The following OXR1 variants were observed in gnomAD, a reference collection of about 807,000 sequenced individuals.
OXR1 encodes oxidation resistance protein 1.
OXR1 carries 41 observed loss-of-function variants against 104.6 expected under a neutral mutation model. The observed-to-expected ratio is 0.39, with a 90% CI of 0.31 to 0.51. The LOEUF is 0.51. Ranked by LOEUF, OXR1 falls within the 20% of genes least tolerant of loss-of-function variation. OXR1 has a pLI of 0.77. For synonymous variants in OXR1, 348 were observed against 348.4 expected, an observed-to-expected ratio of 1.00 and a Z score of 0.01; for missense variants, 955 against 1,031.9, an observed-to-expected ratio of 0.93 and a Z score of 1.02.
At chr8:106,558,447 G>T (rs1816443897) in intron 3 of OXR1, among the ~76,000 whole-genome samples, 1 of 152,158 alleles carries the variant, frequency 6.6e-6, no homozygotes, top group African/African-American at 2.4e-5. Context: ...CCAAATGGAG[G>T]ATCCGGGACA....
rs149092874 is a variant in OXR1, at chr8:106,514,217, C to T, written c.24-4726C>T. On this transcript the variant is annotated intron_variant, in intron 2 of 16. Transcript: ENST00000517566. Reference sequence around the variant, plus strand: ...TTTATCTCGTGCACACCTATATGTTCCATTATGCCATATTTACATTTGTTT... The same window carrying T: ...TTTATCTCGTGCACACCTATATGTTTCATTATGCCATATTTACATTTGTTT... Among the ~76,000 whole-genome samples the T allele has an allele frequency of 6.7e-3, 1,012 of 152,080 alleles. 5 individuals are homozygous for T. Among genetic ancestry groups the T allele is most frequent in the South Asian group, 0.015 (73 of 4,806 alleles).
At chr8:106,581,081 A>G in intron 3 of OXR1, 1 of 1,203,558 alleles carries the variant, frequency 8.3e-7, no homozygotes, top group South Asian at 1.6e-5. Flanking sequence ...TCTGCTAAAG[A>G]TGGAGGAAAA....
intron 3 of OXR1, among the ~76,000 whole-genome samples, chr8:106,629,976 AAGAGAG>A (rs1822524765): frequency 6.6e-6 from 1 of 152,190 alleles, no homozygotes; most frequent in African/African-American, 2.4e-5. Flanking sequence ...TCTCTTTCTT[AAGAGAG>A]AGAAACTCCT....
At chr8:106,319,296 C>T (rs1468403110) in intron 1 of OXR1, among the ~76,000 whole-genome samples, 1 of 152,132 alleles carries the variant, frequency 6.6e-6, no homozygotes, top group Non-Finnish European at 1.5e-5. Flanking sequence ...CCCTCTTTGC[C>T]GCAGAGCCAG....
intron 1 of OXR1, among the ~76,000 whole-genome samples, chr8:106,353,980 G>A (rs941815630): frequency 2.0e-5 from 3 of 151,760 alleles, no homozygotes; most frequent in African/African-American, 7.3e-5. Flanking sequence ...ATATGACTGA[G>A]ATCATACAAT....
chr8:106,345,707 T>C (rs551465724), intron 1 of OXR1, among the ~76,000 whole-genome samples: 1 of 152,298 alleles, frequency 6.6e-6, no homozygotes, highest in South Asian at 2.1e-4. Flanking sequence ...ACATAAAACA[T>C]ACGTTTGATC....
At chr8:106,307,562 C>CT (rs112962592) in intron 1 of OXR1, among the ~76,000 whole-genome samples, 84 of 147,390 alleles carry the variant, frequency 5.7e-4, no homozygotes, top group South Asian at 8.6e-4. Context: ...TTTTTTTGTC[C>CT]TTTTTTTTTT....
chr8:106,473,236 G>A (rs1032220008), intron 2 of OXR1, among the ~76,000 whole-genome samples: 4 of 151,730 alleles, frequency 2.6e-5, no homozygotes, highest in African/African-American at 7.3e-5. Context: ...AGCACAAATC[G>A]GCTGTTGCCA....
At chr8:106,314,446 T>A (rs1197378333) in intron 1 of OXR1, among the ~76,000 whole-genome samples, 1 of 152,218 alleles carries the variant, frequency 6.6e-6, no homozygotes, top group Non-Finnish European at 1.5e-5. Flanking sequence ...TTAGGCATAA[T>A]TACTTCTATA....
chr8:106,417,130 C>T (rs1818713440), intron 2 of OXR1, among the ~76,000 whole-genome samples: 1 of 152,082 alleles, frequency 6.6e-6, no homozygotes, highest in South Asian at 2.1e-4. Context: ...ATTGAATTGT[C>T]AAGTTCACTT....
At chr8:106,732,079 T>C (rs1308278328) in intron 11 of OXR1, among the ~76,000 whole-genome samples, 1 of 152,180 alleles carries the variant, frequency 6.6e-6, no homozygotes, top group Non-Finnish European at 1.5e-5. Context: ...TTTCTACTTT[T>C]TTTCACGTAG....
intron 2 of OXR1, among the ~76,000 whole-genome samples, chr8:106,492,238 A>T (rs1030337872): frequency 6.6e-6 from 1 of 152,074 alleles, no homozygotes; most frequent in African/African-American, 2.4e-5. Flanking sequence ...CTGCTATTTA[A>T]CTCATCCAAC....
chr8:106,337,627 C>T (rs1373571083), intron 1 of OXR1, among the ~76,000 whole-genome samples: 1 of 152,204 alleles, frequency 6.6e-6, no homozygotes, highest in African/African-American at 2.4e-5. Flanking sequence ...TTAAAAAATA[C>T]TTAAACATTG....
chr8:106,438,936 T>C (rs1316323076), intron 2 of OXR1, among the ~76,000 whole-genome samples: 1 of 152,112 alleles, frequency 6.6e-6, no homozygotes, highest in Non-Finnish European at 1.5e-5. Context: ...TGCATCCCCA[T>C]TGCTGTTCTT....
intron 3 of OXR1, among the ~76,000 whole-genome samples, chr8:106,598,199 C>T (rs978468446): frequency 1.3e-5 from 2 of 152,122 alleles, no homozygotes; most frequent in African/African-American, 2.4e-5. Flanking sequence ...GGGTGAAATC[C>T]GTAATCTAGG....
intron 2 of OXR1, among the ~76,000 whole-genome samples, chr8:106,435,432 C>A (rs1373305505): frequency 1.3e-5 from 2 of 152,138 alleles, no homozygotes; most frequent in East Asian, 3.9e-4. Flanking sequence ...TCCCTAATCA[C>A]CCTCAATTGT....
chr8:106,359,973 A>G (rs1271764799), intron 2 of OXR1, among the ~76,000 whole-genome samples: 1 of 152,182 alleles, frequency 6.6e-6, no homozygotes, highest in Non-Finnish European at 1.5e-5. Context: ...ATATAGGACT[A>G]GCAAGCTATA....
intron 2 of OXR1, among the ~76,000 whole-genome samples, chr8:106,395,455 A>T (rs1201630743): frequency 6.6e-6 from 1 of 152,174 alleles, no homozygotes; most frequent in Non-Finnish European, 1.5e-5. Flanking sequence ...ATGAGGAAGT[A>T]GCAAAGCGGA....
chr8:106,657,894 G>A (rs1204186558), intron 3 of OXR1: 3 of 1,245,968 alleles, frequency 2.4e-6, no homozygotes, highest in Non-Finnish European at 3.0e-6. Flanking sequence ...CCTGGGTCAG[G>A]TCTGATGGGC....
Sources: allele counts gnomAD v4.1 joint callset (sites outside exome capture counted in the v4.1 genomes callset), GRCh38; gene constraint gnomAD v4.1.1; transcripts MANE v1.5; gene names NCBI Gene and HGNC (gene_info 2026-07-23, HGNC 2026-07-21).